Variants in FTO observed in about 807,000 individuals in gnomAD.
The protein encoded by FTO is alpha-ketoglutarate-dependent dioxygenase FTO.
A neutral mutation model predicts 63.9 loss-of-function variants in FTO; 47 were observed. The ratio of observed to expected loss-of-function variants is 0.74; its 90% CI spans 0.58 to 0.94. FTO has a LOEUF of 0.94. FTO is among the 40% of genes least tolerant of loss of function. The probability of loss-of-function intolerance (pLI) is 0.00; values close to 1 mark genes in which losing one functional copy is unlikely to be tolerated. For synonymous variants in FTO, 207 were observed against 224.4 expected, an observed-to-expected ratio of 0.92 and a Z score of 0.69; for missense variants, 562 against 618.1, an observed-to-expected ratio of 0.91 and a Z score of 0.96.
intron 1 of FTO, among the ~76,000 whole-genome samples, chr16:53,733,604 G>C (rs2076321843): frequency 2.6e-5 from 4 of 152,136 alleles, no homozygotes; most frequent in Admixed American, 2.6e-4. Flanking sequence ...GGAAAAAGTT[G>C]TAGTTATTTT....
chr16:54,074,754 G>A lies in FTO; in HGVS notation c.1365-37008G>A, dbSNP rs770761894. ...ATAGATTCCTAGAAATTGAATTACC[G>A]AGCCAAGGATTCACACATTTTTAAG... On this transcript the variant is annotated intron_variant, in intron 8 of 8. Coordinates refer to ENST00000471389, the MANE Select transcript of FTO (RefSeq NM_001080432.3). Among the ~76,000 whole-genome samples the A allele has an allele frequency of 7.2e-5, 11 of 151,974 alleles. No individual in the cohort carries two copies. The South Asian group carries it at 1.5e-3, about 20-fold the overall frequency.
chr16:53,713,702 T>C (rs973757467), intron 1 of FTO, among the ~76,000 whole-genome samples: 2 of 152,190 alleles, frequency 1.3e-5, no homozygotes, highest in Admixed American at 6.5e-5. Flanking sequence ...GTGCCATGGT[T>C]TGCATTTAAA....
chr16:53,781,424 C>T (rs1347850105), intron 1 of FTO, among the ~76,000 whole-genome samples: 1 of 152,148 alleles, frequency 6.6e-6, no homozygotes, highest in Non-Finnish European at 1.5e-5. Context: ...AAGGTCAGAG[C>T]CAAGAGTTAG....
chr16:53,946,528 C>G (rs1198941895), intron 8 of FTO, among the ~76,000 whole-genome samples: 4 of 152,174 alleles, frequency 2.6e-5, no homozygotes, highest in Non-Finnish European at 4.4e-5. Flanking sequence ...AAATAAATGT[C>G]CCAATCCTTG....
At chr16:53,841,555 G>C (rs1029431310) in intron 3 of FTO, among the ~76,000 whole-genome samples, 3 of 152,156 alleles carry the variant, frequency 2.0e-5, no homozygotes, top group Non-Finnish European at 4.4e-5. Context: ...CAGAGACCAT[G>C]AACTTGGCTT....
chr16:53,893,022 TTA>T (rs1482475347), intron 7 of FTO, among the ~76,000 whole-genome samples: 3 of 152,180 alleles, frequency 2.0e-5, no homozygotes, highest in African/African-American at 7.2e-5. Context: ...ATCACACTGT[TTA>T]TTCTTGCCAT....
intron 8 of FTO, among the ~76,000 whole-genome samples, chr16:54,058,551 C>T (rs62034109): frequency 0.04 from 6,104 of 152,242 alleles, 152 homozygotes; most frequent in Middle Eastern, 0.12. Context: ...TCAAGAGGTG[C>T]CCAGGTTTAG....
chr16:53,905,913 C>T (rs1249579647), intron 7 of FTO, among the ~76,000 whole-genome samples: 2 of 152,168 alleles, frequency 1.3e-5, no homozygotes, highest in Non-Finnish European at 2.9e-5. Flanking sequence ...GAATGCCTTG[C>T]TCTTCCTTCT....
chr16:53,807,122 GT>G (rs1425391824), intron 1 of FTO, among the ~76,000 whole-genome samples: 1 of 152,102 alleles, frequency 6.6e-6, no homozygotes, highest in Non-Finnish European at 1.5e-5. Context: ...TGTAAATATT[GT>G]TATTTAATAC....
At chr16:53,752,935 T>A (rs75980815) in intron 1 of FTO, among the ~76,000 whole-genome samples, 1 of 151,456 alleles carries the variant, frequency 6.6e-6, no homozygotes, top group South Asian at 2.1e-4. Context: ...TTTTTTTTTT[T>A]AAAGAATCCT....
intron 1 of FTO, among the ~76,000 whole-genome samples, chr16:53,802,946 T>C (rs776746053): frequency 3.3e-5 from 5 of 152,216 alleles, no homozygotes; most frequent in Non-Finnish European, 5.9e-5. Flanking sequence ...TCTCAACTTT[T>C]TGAACTTGTG....
chr16:53,963,340 G>C (rs1189374628), intron 8 of FTO, among the ~76,000 whole-genome samples: 1 of 152,120 alleles, frequency 6.6e-6, no homozygotes, highest in Non-Finnish European at 1.5e-5. Context: ...TATTGTTGGG[G>C]CCTAGATTGA....
intron 7 of FTO, among the ~76,000 whole-genome samples, chr16:53,933,671 A>G (rs1048497757): frequency 3.3e-5 from 5 of 152,202 alleles, no homozygotes; most frequent in African/African-American, 1.2e-4. Flanking sequence ...ATCATTTCTA[A>G]TAATAGCTCA....
chr16:53,780,421 G>T (rs1025134876), intron 1 of FTO, among the ~76,000 whole-genome samples: 2 of 152,062 alleles, frequency 1.3e-5, no homozygotes, highest in African/African-American at 4.8e-5. Flanking sequence ...TCCCTCTACC[G>T]CATCACTAGA....
chr16:54,022,366 G>A (rs2084621992), intron 8 of FTO, among the ~76,000 whole-genome samples: 2 of 152,044 alleles, frequency 1.3e-5, no homozygotes, highest in Admixed American at 6.6e-5. Flanking sequence ...GAAGAAAGAT[G>A]GATAAAATGC....
At chr16:53,860,512 G>C (rs984223370) in intron 4 of FTO, among the ~76,000 whole-genome samples, 2 of 152,208 alleles carry the variant, frequency 1.3e-5, no homozygotes, top group Non-Finnish European at 2.9e-5. Flanking sequence ...GTAGGACGCT[G>C]GCATCTGCTT....
intron 8 of FTO, among the ~76,000 whole-genome samples, chr16:53,964,253 TCTC>T (rs761872602): frequency 6.6e-6 from 1 of 152,140 alleles, no homozygotes; most frequent in South Asian, 2.1e-4. Flanking sequence ...TGACAACTGT[TCTC>T]CTCTGTTGTT....
At chr16:54,008,359 C>G (rs1424672325) in intron 8 of FTO, 2 of 150,852 alleles carry the variant, frequency 1.3e-5, no homozygotes, top group Non-Finnish European at 2.9e-5. Flanking sequence ...CTACTCAGGA[C>G]TTAGGACTCG....
chr16:53,821,706 T>C (rs1191527270), intron 2 of FTO, among the ~76,000 whole-genome samples: 1 of 152,186 alleles, frequency 6.6e-6, no homozygotes, highest in Non-Finnish European at 1.5e-5. Flanking sequence ...TTTTTCACAT[T>C]CAGACTTGAC....
Sources: allele counts gnomAD v4.1 joint callset (sites outside exome capture counted in the v4.1 genomes callset), GRCh38; gene constraint gnomAD v4.1.1; transcripts MANE v1.5; gene names NCBI Gene and HGNC (gene_info 2026-07-23, HGNC 2026-07-21).